ARHGAP26: variants seen among roughly 807,000 people sequenced by gnomAD.
The protein encoded by ARHGAP26 is Rho GTPase activating protein 26.
ARHGAP26 carries 38 observed loss-of-function variants against 104.8 expected under a neutral mutation model. The observed-to-expected ratio is 0.36, with a 90% CI of 0.28 to 0.48. The LOEUF is 0.48. Among genes scored for constraint, ARHGAP26 ranks in the 20% least tolerant of loss-of-function variants. ARHGAP26 has a pLI of 0.99. For synonymous variants in ARHGAP26, 341 were observed against 340.0 expected (o/e 1.00, Z -0.03); for missense variants, 704 against 947.9 (o/e 0.74, Z 3.38).
At chr5:142,973,180 C>A (rs1772530418) in intron 11 of ARHGAP26, among the ~76,000 whole-genome samples, 1 of 152,078 alleles carries the variant, frequency 6.6e-6, no homozygotes, top group East Asian at 1.9e-4. Flanking sequence ...GTGTTTGTTG[C>A]AGCATTGGTG....
intron 20 of ARHGAP26, among the ~76,000 whole-genome samples, chr5:143,193,240 CT>C (rs57462040): frequency 0.099 from 7,373 of 74,532 alleles, 128 homozygotes; most frequent in South Asian, 0.25. Context: ...ATTTTCTTTT[CT>C]TTTTTTTTTT....
intron 17 of ARHGAP26, among the ~76,000 whole-genome samples, chr5:143,105,099 G>C (rs1599032986): frequency 6.6e-6 from 1 of 152,166 alleles, no homozygotes; most frequent in Admixed American, 6.5e-5. Context: ...TAATCGGCTG[G>C]GTGTGGTGGC....
chr5:142,925,689 C>A (rs1763810368), intron 10 of ARHGAP26, among the ~76,000 whole-genome samples: 1 of 152,114 alleles, frequency 6.6e-6, no homozygotes, highest in South Asian at 2.1e-4. Flanking sequence ...CTTATCATTC[C>A]CCTTTGTCTC....
intron 17 of ARHGAP26, among the ~76,000 whole-genome samples, chr5:143,118,399 G>C (rs1216759015): frequency 6.6e-6 from 1 of 152,176 alleles, no homozygotes; most frequent in African/African-American, 2.4e-5. Flanking sequence ...ACCCAGAGCT[G>C]GGAGGTGGCA....
At chr5:143,003,180 A>G (rs1777427262) in intron 11 of ARHGAP26, among the ~76,000 whole-genome samples, 1 of 152,218 alleles carries the variant, frequency 6.6e-6, no homozygotes, top group Admixed American at 6.5e-5. Flanking sequence ...AAAACAAGTT[A>G]AAATAAATGG....
intron 12 of ARHGAP26, among the ~76,000 whole-genome samples, chr5:143,026,324 A>G (rs763721038): frequency 6.6e-6 from 1 of 152,258 alleles, no homozygotes; most frequent in Non-Finnish European, 1.5e-5. Context: ...AACAAAGAGT[A>G]AGCAAGTAGA....
intron 12 of ARHGAP26, among the ~76,000 whole-genome samples, chr5:143,018,250 G>C: frequency 6.6e-6 from 1 of 152,086 alleles, no homozygotes. Context: ...CTAATCCCTT[G>C]TTAGATTTAG....
At chr5:143,046,236 G>A (rs1175135526) in intron 14 of ARHGAP26, among the ~76,000 whole-genome samples, 5 of 152,140 alleles carry the variant, frequency 3.3e-5, no homozygotes, top group Admixed American at 1.3e-4. Context: ...CCCAGGAAGC[G>A]GAGGTTGCAG....
At chr5:142,786,706 G>A (rs1469767191) in intron 1 of ARHGAP26, among the ~76,000 whole-genome samples, 1 of 144,182 alleles carries the variant, frequency 6.9e-6, no homozygotes, top group Non-Finnish European at 1.5e-5. Context: ...CTATGCAGTG[G>A]CATGATCTTG....
At chr5:143,045,622 G>A (rs902380936) in intron 14 of ARHGAP26, among the ~76,000 whole-genome samples, 9 of 152,216 alleles carry the variant, frequency 5.9e-5, no homozygotes, top group Non-Finnish European at 1.0e-4. Context: ...TTCATTGGAT[G>A]CTTATTATGT....
At chr5:143,053,990 C>T (rs980892954) in intron 14 of ARHGAP26, among the ~76,000 whole-genome samples, 1 of 152,172 alleles carries the variant, frequency 6.6e-6, no homozygotes, top group South Asian at 2.1e-4. Context: ...ATTCTTCTAT[C>T]GTTGGACATT....
At chr5:143,052,030 A>G (rs1785111635) in intron 14 of ARHGAP26, among the ~76,000 whole-genome samples, 1 of 152,210 alleles carries the variant, frequency 6.6e-6, no homozygotes, top group Admixed American at 6.5e-5. Flanking sequence ...CTGCAGGAAA[A>G]AGCCATTCAG....
intron 19 of ARHGAP26, among the ~76,000 whole-genome samples, chr5:143,142,225 G>A (rs568813636): frequency 8.7e-4 from 117 of 133,902 alleles, no homozygotes; most frequent in African/African-American, 3.1e-3. Flanking sequence ...TGCAACCTTC[G>A]CCTCCCGGGT....
At chr5:143,128,473 T>C (rs1207559788) in intron 18 of ARHGAP26, among the ~76,000 whole-genome samples, 1 of 152,222 alleles carries the variant, frequency 6.6e-6, no homozygotes, top group Non-Finnish European at 1.5e-5. Flanking sequence ...TGTTGATCCC[T>C]CTGCCAAAAT....
At chr5:143,064,201 G>A (rs905389092) in intron 17 of ARHGAP26, among the ~76,000 whole-genome samples, 1 of 151,992 alleles carries the variant, frequency 6.6e-6, no homozygotes, top group Non-Finnish European at 1.5e-5. Context: ...GTTTGCCTTA[G>A]TTCCTAACAG....
chr5:143,196,186 C>G (rs1806802701), intron 20 of ARHGAP26, among the ~76,000 whole-genome samples: 1 of 152,028 alleles, frequency 6.6e-6, no homozygotes, highest in Admixed American at 6.6e-5. Flanking sequence ...CCCTCACCCC[C>G]CACTGGTTAA....
intron 1 of ARHGAP26, among the ~76,000 whole-genome samples, chr5:142,870,977 A>T (rs906549079): frequency 1.3e-5 from 2 of 152,214 alleles, no homozygotes; most frequent in Admixed American, 6.5e-5. Context: ...CTTTAGCTGT[A>T]CTGAAAAATT....
chr5:143,114,082 T>C (rs1795115959), intron 17 of ARHGAP26, among the ~76,000 whole-genome samples: 3 of 152,214 alleles, frequency 2.0e-5, no homozygotes, highest in Admixed American at 6.5e-5. Context: ...CAAAGGGTTC[T>C]CCTGTTAGGA....
chr5:143,140,259 C>A (rs1005422070), intron 19 of ARHGAP26, among the ~76,000 whole-genome samples: 1 of 152,132 alleles, frequency 6.6e-6, no homozygotes, highest in African/African-American at 2.4e-5. Context: ...ATTAGCAGAA[C>A]ATCTCTTTGA....
Sources: allele counts gnomAD v4.1 joint callset (sites outside exome capture counted in the v4.1 genomes callset), GRCh38; gene constraint gnomAD v4.1.1; transcripts MANE v1.5; gene names NCBI Gene and HGNC (gene_info 2026-07-23, HGNC 2026-07-21).